NDRG3: variants seen among roughly 807,000 people sequenced by gnomAD.
NDRG3 encodes the protein protein NDRG3.
A neutral mutation model predicts 57.2 loss-of-function variants in NDRG3; 23 were observed. The observed-to-expected ratio is 0.40, with a 90% CI of 0.29 to 0.57. NDRG3 has a LOEUF of 0.57. Ranked by LOEUF, NDRG3 falls within the 20% of genes least tolerant of loss-of-function variation. NDRG3 has a pLI of 0.42. For missense variants in NDRG3, 384 were observed against 457.3 expected, an observed-to-expected ratio of 0.84 and a Z score of 1.46; for synonymous variants, 132 against 162.6, an observed-to-expected ratio of 0.81 and a Z score of 1.43.
At chr20:36,692,313 TC>T (rs1982330653) in intron 3 of NDRG3, among the ~76,000 whole-genome samples, 1 of 152,142 alleles carries the variant, frequency 6.6e-6, no homozygotes, top group South Asian at 2.1e-4. Context: ...AACCTTCACT[TC>T]CCAGGTTCAA....
At chr20:36,666,215 CCT>C in intron 10 of NDRG3, 72 bp downstream of exon 10, 1 of 1,118,154 alleles carries the variant, frequency 8.9e-7, no homozygotes, top group Non-Finnish European at 1.4e-6. Flanking sequence ...TAGATACAGT[CCT>C]CTCTCCTTCT....
At chr20:36,656,132 CAAAAA>C (rs1180409064) in intron 15 of NDRG3, among the ~76,000 whole-genome samples, 2 of 49,250 alleles carry the variant, frequency 4.1e-5, no homozygotes, top group Admixed American at 2.0e-4. Context: ...GACTCTGTCT[CAAAAA>C]AAAAAAAAAA....
chr20:36,665,456 G>T (rs1198320207), intron 10 of NDRG3, among the ~76,000 whole-genome samples, 155 bp from the exon 11 acceptor site: 1 of 152,114 alleles, frequency 6.6e-6, no homozygotes, highest in Non-Finnish European at 1.5e-5. Flanking sequence ...TGGTTCTTGA[G>T]TCGCCATTTC....
chr20:36,712,848 G>C (rs745547692), intron 2 of NDRG3, among the ~76,000 whole-genome samples: 5 of 151,306 alleles, frequency 3.3e-5, no homozygotes, highest in Admixed American at 6.6e-5. Flanking sequence ...TGCCCACCTT[G>C]GCCTCCCAAA....
At chr20:36,744,003 C>G (rs537051400) in intron 1 of NDRG3, among the ~76,000 whole-genome samples, 2 of 148,354 alleles carry the variant, frequency 1.3e-5, no homozygotes, top group South Asian at 4.3e-4. Context: ...CGGGTTCACG[C>G]CATTCTCCTG....
At chr20:36,693,105 A>AATATATATATATAT (rs1290033865) in intron 3 of NDRG3, among the ~76,000 whole-genome samples, 7 of 25,854 alleles carry the variant, frequency 2.7e-4, no homozygotes, top group African/African-American at 6.2e-4. Context: ...AAAAAAAAAA[A>AATATATATATATAT]ATATATATAT....
intron 1 of NDRG3, among the ~76,000 whole-genome samples, chr20:36,728,354 G>A (rs1398900055): frequency 6.6e-6 from 1 of 152,100 alleles, no homozygotes; most frequent in Admixed American, 6.6e-5. Context: ...GCCCAGCCAG[G>A]GAAAGGATTT....
At position 36,671,413 on chromosome 20, in the gene NDRG3, C is replaced by T. The variant is rs769749415; in HGVS notation, c.532-16G>A. On this transcript the variant is annotated splice_polypyrimidine_tract_variant and intron_variant, in intron 8 of 15. Coordinates refer to ENST00000349004, the MANE Select transcript of NDRG3 (RefSeq NM_032013.4). ...GGCCAGAGAGCTGAAAAGATAAAAACTCTGTGTTAAGAATGTAAGCATATG... is the reference window on the plus strand; with the variant it reads ...GGCCAGAGAGCTGAAAAGATAAAAATTCTGTGTTAAGAATGTAAGCATATG... 3.0e-5 allele frequency: 48 copies of T among 1,611,184 alleles called. No individual in the cohort carries two copies. Among genetic ancestry groups the T allele is most frequent in the Non-Finnish European group, 3.3e-5 (39 of 1,178,180 alleles).
intron 1 of NDRG3, among the ~76,000 whole-genome samples, chr20:36,728,801 C>T (rs1480637900): frequency 6.6e-6 from 1 of 152,076 alleles, no homozygotes; most frequent in Non-Finnish European, 1.5e-5. Context: ...TCGCGGCTCA[C>T]TGCAACCTCC....
intron 2 of NDRG3, among the ~76,000 whole-genome samples, chr20:36,719,534 G>C (rs925082315): frequency 2.0e-5 from 3 of 151,766 alleles, no homozygotes; most frequent in Non-Finnish European, 4.4e-5. Flanking sequence ...GATGAAAATA[G>C]GGGTGGCAGG....
intron 6 of NDRG3, among the ~76,000 whole-genome samples, chr20:36,683,485 C>T (rs1004598155): frequency 1.3e-5 from 2 of 151,786 alleles, no homozygotes; most frequent in Admixed American, 1.3e-4. Context: ...GGCATGGTGG[C>T]CTGTGCCTGT....
At chr20:36,699,552 T>C (rs1185580731) in intron 3 of NDRG3, among the ~76,000 whole-genome samples, 3 of 152,160 alleles carry the variant, frequency 2.0e-5, no homozygotes, top group East Asian at 3.8e-4. Context: ...AAACCTTCAG[T>C]AGGGTCCTGC....
At chr20:36,708,703 C>T (rs995300953) in intron 2 of NDRG3, among the ~76,000 whole-genome samples, 6 of 150,644 alleles carry the variant, frequency 4.0e-5, no homozygotes, top group African/African-American at 1.5e-4. Context: ...TGGGATCCCA[C>T]CAACTACACT....
chr20:36,676,788 T>C (rs999585446), intron 8 of NDRG3, among the ~76,000 whole-genome samples: 1 of 152,142 alleles, frequency 6.6e-6, no homozygotes, highest in South Asian at 2.1e-4. Context: ...TTAGCATAGG[T>C]GAGTTGAATG....
At chr20:36,707,060 A>G (rs1393223835) in intron 2 of NDRG3, 53 bp from the exon 3 acceptor site, 2 of 1,540,710 alleles carry the variant, frequency 1.3e-6, no homozygotes, top group African/African-American at 2.7e-5. Context: ...GTTTCCCCAC[A>G]TGTGCAGCAC....
intron 3 of NDRG3, among the ~76,000 whole-genome samples, chr20:36,694,606 C>CA (rs939818701): frequency 3.3e-5 from 5 of 152,054 alleles, no homozygotes; most frequent in Non-Finnish European, 5.9e-5. Flanking sequence ...TATGACCCAC[C>CA]TTTTTTTGGT....
In NDRG3 at chr20:36,692,258, C is replaced by T. The variant is rs1419400010; in HGVS notation, c.94-3474G>A. On this transcript the variant is annotated intron_variant, in intron 3 of 15. Coordinates refer to ENST00000349004, the MANE Select transcript of NDRG3 (RefSeq NM_032013.4). ...TTTTTGAGACGGAGTCTTACTCTAT[C>T]GCCCGCCCAGGCTGGAGTGCAGTGG... Among the ~76,000 whole-genome samples the T allele has an allele frequency of 5.9e-5, 9 of 152,238 alleles. No individual in the cohort carries two copies. The East Asian group carries it at 1.4e-3, about 23-fold the overall frequency.
At chr20:36,655,186 C>T (rs1158659165) in intron 15 of NDRG3, among the ~76,000 whole-genome samples, 1 of 151,410 alleles carries the variant, frequency 6.6e-6, no homozygotes, top group Non-Finnish European at 1.5e-5. Context: ...GGTGTGGGCT[C>T]GGTTGGTAGC....
intron 8 of NDRG3, among the ~76,000 whole-genome samples, chr20:36,679,660 C>T (rs574295322): frequency 1.2e-4 from 18 of 151,662 alleles, no homozygotes; most frequent in Middle Eastern, 3.4e-3. Flanking sequence ...CCCACCACCA[C>T]GCCCGGCTAA....
Sources: allele counts gnomAD v4.1 joint callset (sites outside exome capture counted in the v4.1 genomes callset), GRCh38; gene constraint gnomAD v4.1.1; transcripts MANE v1.5; gene names NCBI Gene and HGNC (gene_info 2026-07-23, HGNC 2026-07-21).